RAB27A: variants seen among roughly 807,000 people sequenced by gnomAD.
The protein encoded by RAB27A is ras-related protein Rab-27A.
A neutral mutation model predicts 20.8 loss-of-function variants in RAB27A; 17 were observed. That is an observed-to-expected ratio of 0.82 (90% CI 0.56 to 1.23). The LOEUF (loss-of-function observed/expected upper bound fraction) is 1.23. Ranked by LOEUF, RAB27A falls within the 50% of genes most tolerant of loss-of-function variation. The pLI, the probability that RAB27A is intolerant of heterozygous loss-of-function variation, is 0.00. For synonymous variants in RAB27A, 85 were observed against 92.8 expected (o/e 0.92, Z 0.48); for missense variants, 277 against 266.7 (o/e 1.04, Z -0.27).
intron 2 of RAB27A, among the ~76,000 whole-genome samples, chr15:55,267,149 G>A (rs915499085): frequency 6.6e-6 from 1 of 152,150 alleles, no homozygotes; most frequent in African/African-American, 2.4e-5. Flanking sequence ...TGTGAAAATG[G>A]CAAATCCATT....
intron 1 of RAB27A, 77 bp from the exon 2 acceptor site, chr15:55,270,361 G>A (rs960952513): frequency 1.3e-5 from 2 of 152,180 alleles, no homozygotes; most frequent in Admixed American, 1.3e-4. Flanking sequence ...CTTTGGAAAA[G>A]CAGTTCGCTC....
chr15:55,268,184 C>A (rs1897573922), intron 2 of RAB27A, among the ~76,000 whole-genome samples: 1 of 151,658 alleles, frequency 6.6e-6, no homozygotes, highest in Non-Finnish European at 1.5e-5. Flanking sequence ...ATCCAAGAAC[C>A]TTGACAGAGA....
At chr15:55,213,878 G>A (rs1046584954) in intron 6 of RAB27A, among the ~76,000 whole-genome samples, 2 of 152,132 alleles carry the variant, frequency 1.3e-5, no homozygotes, top group East Asian at 1.9e-4. Context: ...GAAATAAAGT[G>A]CACAATAAAT....
chr15:55,314,015 T>TAAATAAATAAATAAAC (rs1555401749), intron 2 of RAB27A: 2 of 149,556 alleles, frequency 1.3e-5, no homozygotes, highest in African/African-American at 5.2e-5. Context: ...AATAAATAAA[T>TAAATAAATAAATAAAC]AAACCGGGTG....
chr15:55,259,054 G>A (rs1239773094), intron 2 of RAB27A, among the ~76,000 whole-genome samples: 2 of 152,166 alleles, frequency 1.3e-5, no homozygotes, highest in East Asian at 1.9e-4. Flanking sequence ...AGCGGCAAGT[G>A]ATCCGCCCAC....
chr15:55,219,274 G>GA (rs1420819143), intron 6 of RAB27A, among the ~76,000 whole-genome samples: 1 of 151,820 alleles, frequency 6.6e-6, no homozygotes, highest in Non-Finnish European at 1.5e-5. Context: ...AACTGGGTGA[G>GA]AAAAAAAATC....
At chr15:55,270,807 G>A (rs1167153978) in intron 1 of RAB27A, 1 of 152,130 alleles carries the variant, frequency 6.6e-6, no homozygotes, top group Admixed American at 6.5e-5. Context: ...CTACAAGGGA[G>A]TCCACCCAGA....
At chr15:55,264,575 G>C (rs56042059) in intron 2 of RAB27A, among the ~76,000 whole-genome samples, 44,831 of 152,030 alleles carry the variant, frequency 0.29, 8,316 homozygotes, top group East Asian at 0.59. Context: ...CAACACATAG[G>C]AAAGTATTTC....
intron 6 of RAB27A, among the ~76,000 whole-genome samples, chr15:55,211,766 T>C (rs9920219): frequency 0.27 from 40,414 of 151,778 alleles, 6,916 homozygotes; most frequent in African/African-American, 0.49. Context: ...GAGAAGCAAG[T>C]AGGCTCTTCC....
intron 2 of RAB27A, among the ~76,000 whole-genome samples, chr15:55,301,253 C>T (rs563291854): frequency 3.9e-5 from 6 of 152,216 alleles, no homozygotes; most frequent in East Asian, 1.9e-4. Context: ...CTACCACGCT[C>T]GGCTAATTTT....
intron 6 of RAB27A, 98 bp downstream of exon 6, chr15:55,223,791 T>G: frequency 1.4e-6 from 2 of 1,452,644 alleles, no homozygotes; most frequent in Non-Finnish European, 1.9e-6. Context: ...GGCTGAGGTT[T>G]TGCTTTAATT....
chr15:55,254,010 T>C (rs1896992622), intron 2 of RAB27A, among the ~76,000 whole-genome samples: 1 of 152,214 alleles, frequency 6.6e-6, no homozygotes, highest in African/African-American at 2.4e-5. Context: ...CTTAATTTTT[T>C]AAATGAGGTT....
At chr15:55,255,538 G>T (rs538581722) in intron 2 of RAB27A, among the ~76,000 whole-genome samples, 1 of 152,254 alleles carries the variant, frequency 6.6e-6, no homozygotes, top group East Asian at 1.9e-4. Context: ...TTCTCTAATA[G>T]CCTTTTCCTT....
At chr15:55,296,317 G>A (rs866848916) in intron 2 of RAB27A, among the ~76,000 whole-genome samples, 7 of 151,626 alleles carry the variant, frequency 4.6e-5, no homozygotes, top group Middle Eastern at 6.8e-3. Flanking sequence ...CCAACAGGGT[G>A]AAAACCCGTC....
chr15:55,223,830 C>G, intron 6 of RAB27A, 59 bp downstream of exon 6: 2 of 1,588,708 alleles, frequency 1.3e-6, no homozygotes, highest in Non-Finnish European at 1.7e-6. Context: ...CATTACCATT[C>G]ACCTGCTAAT....
At chr15:55,255,215 C>G (rs1210583279) in intron 2 of RAB27A, among the ~76,000 whole-genome samples, 1 of 152,176 alleles carries the variant, frequency 6.6e-6, no homozygotes, top group East Asian at 1.9e-4. Flanking sequence ...AGAATGATCA[C>G]AAACTGAAAC....
intron 1 of RAB27A, among the ~76,000 whole-genome samples, chr15:55,274,030 C>T (rs1006377872): frequency 2.0e-5 from 3 of 152,046 alleles, no homozygotes; most frequent in Admixed American, 6.5e-5. Flanking sequence ...TTAAGACGAT[C>T]GAAATCATAT....
intron 1 of RAB27A, among the ~76,000 whole-genome samples, chr15:55,279,722 G>C (rs1814487726): frequency 6.6e-6 from 1 of 152,188 alleles, no homozygotes; most frequent in Non-Finnish European, 1.5e-5. Context: ...TCCCTCGCTT[G>C]TGTATGGCAT....
chr15:55,272,225 C>T (rs933399505), intron 1 of RAB27A, among the ~76,000 whole-genome samples: 4 of 152,042 alleles, frequency 2.6e-5, no homozygotes, highest in African/African-American at 7.3e-5. Context: ...GGTGAAACCC[C>T]GTCTCTACTA....
Sources: allele counts gnomAD v4.1 joint callset (sites outside exome capture counted in the v4.1 genomes callset), GRCh38; gene constraint gnomAD v4.1.1; transcripts MANE v1.5; gene names NCBI Gene and HGNC (gene_info 2026-07-23, HGNC 2026-07-21).